The following DLC1 variants were observed in gnomAD, a reference collection of about 807,000 sequenced individuals.
The protein encoded by DLC1 is rho GTPase-activating protein 7.
In DLC1, 54 loss-of-function variants were observed where a neutral mutation model predicts 140.3. The observed-to-expected ratio is 0.38, with a 90% CI of 0.31 to 0.48. DLC1 has a LOEUF of 0.48. Among genes scored for constraint, DLC1 ranks in the 20% least tolerant of loss-of-function variants. DLC1 has a pLI of 0.96. For missense variants in DLC1, 2,536 were observed against 1,907.0 expected, an observed-to-expected ratio of 1.33 and a Z score of -6.14; for synonymous variants, 986 against 728.1, an observed-to-expected ratio of 1.35 and a Z score of -5.70.
intron 2 of DLC1, among the ~76,000 whole-genome samples, chr8:13,497,691 T>TCAGTG (rs1801576489): frequency 1.3e-5 from 2 of 152,332 alleles, no homozygotes; most frequent in South Asian, 4.1e-4. Context: ...ATAGGTCAGT[T>TCAGTG]AATACTGTCT....
chr8:13,449,749 A>G (rs1428278903), intron 2 of DLC1, among the ~76,000 whole-genome samples: 1 of 152,106 alleles, frequency 6.6e-6, no homozygotes, highest in African/African-American at 2.4e-5. Flanking sequence ...CAGCACACCA[A>G]CATGGCACAT....
At chr8:13,391,826 T>A (rs1382320102) in intron 4 of DLC1, among the ~76,000 whole-genome samples, 1 of 151,774 alleles carries the variant, frequency 6.6e-6, no homozygotes, top group Non-Finnish European at 1.5e-5. Context: ...TGCAGGATAC[T>A]AACAGGTGCT....
At chr8:13,297,470 A>G (rs1489265168) in intron 5 of DLC1, among the ~76,000 whole-genome samples, 1 of 151,954 alleles carries the variant, frequency 6.6e-6, no homozygotes, top group Non-Finnish European at 1.5e-5. Context: ...TGTTACAAGA[A>G]GAGCTTCCTT....
chr8:13,219,606 A>C (rs562362148), intron 5 of DLC1, among the ~76,000 whole-genome samples: 1 of 151,828 alleles, frequency 6.6e-6, no homozygotes, highest in East Asian at 1.9e-4. Context: ...CACCTTCTTC[A>C]AAAAAGCCTT....
intron 5 of DLC1, among the ~76,000 whole-genome samples, chr8:13,250,924 A>G (rs546054693): frequency 6.6e-6 from 1 of 152,258 alleles, no homozygotes; most frequent in South Asian, 2.1e-4. Context: ...ACTACATTTA[A>G]TACTAAAAGA....
intron 2 of DLC1, among the ~76,000 whole-genome samples, chr8:13,467,764 T>C (rs1010872540): frequency 6.6e-6 from 1 of 152,188 alleles, no homozygotes; most frequent in African/African-American, 2.4e-5. Flanking sequence ...TGTCAACTTT[T>C]TCCAAATACT....
intron 4 of DLC1, among the ~76,000 whole-genome samples, chr8:13,312,681 T>C (rs1483167748): frequency 6.6e-6 from 1 of 152,186 alleles, no homozygotes; most frequent in Non-Finnish European, 1.5e-5. Context: ...AAGTACTGCA[T>C]ATTAATATAT....
intron 5 of DLC1, among the ~76,000 whole-genome samples, chr8:13,273,259 T>C (rs2117390802): frequency 6.6e-6 from 1 of 152,116 alleles, no homozygotes; most frequent in South Asian, 2.1e-4. Context: ...CAGAGGAGCT[T>C]TAAGAAGGAA....
intron 4 of DLC1, among the ~76,000 whole-genome samples, chr8:13,362,195 T>C (rs138147303): frequency 6.6e-6 from 1 of 152,262 alleles, no homozygotes; most frequent in East Asian, 1.9e-4. Context: ...AGACAACATC[T>C]GCAGGGAAGA....
intron 1 of DLC1, among the ~76,000 whole-genome samples, chr8:13,585,447 G>A (rs1488825168): frequency 1.3e-5 from 2 of 152,058 alleles, no homozygotes; most frequent in Non-Finnish European, 2.9e-5. Context: ...ACAGATACAT[G>A]GCTATAGAAC....
chr8:13,085,742 C>T lies in DLC1; in HGVS notation c.*69G>A, dbSNP rs1817497243. 2 of 1,605,652 alleles carry T rather than the reference C, an allele frequency of 1.2e-6. No homozygotes were observed. Among genetic ancestry groups the T allele is most frequent in the African/African-American group, 1.3e-5 (1 of 74,612 alleles). ...TTCAGGATTAGACACAGAACCCATT[C>T]TTCAAGGACTGGCAAAAGTTCTAGA... On this transcript the variant is annotated 3_prime_UTR_variant, in exon 18 of 18. Coordinates refer to ENST00000276297, the MANE Select transcript of DLC1 (RefSeq NM_182643.3).
At chr8:13,400,027 A>G (rs1223456448) in intron 3 of DLC1, among the ~76,000 whole-genome samples, 1 of 152,176 alleles carries the variant, frequency 6.6e-6, no homozygotes, top group Non-Finnish European at 1.5e-5. Flanking sequence ...ATTCCACTAC[A>G]CAATTATCAG....
At chr8:13,567,467 C>T (rs760379681) in intron 1 of DLC1, 18 of 1,551,922 alleles carry the variant, frequency 1.2e-5, no homozygotes, top group Admixed American at 2.0e-5. Flanking sequence ...GTAGAGGCTT[C>T]AGAGAGAGAT....
chr8:13,327,316 A>G (rs948209741), intron 4 of DLC1, among the ~76,000 whole-genome samples: 1 of 152,028 alleles, frequency 6.6e-6, no homozygotes. Context: ...TCAAAGAGTG[A>G]TGCCCCAAAT....
intron 2 of DLC1, among the ~76,000 whole-genome samples, chr8:13,495,521 C>T (rs1458399540): frequency 6.6e-6 from 1 of 152,086 alleles, no homozygotes; most frequent in African/African-American, 2.4e-5. Flanking sequence ...ATATCAGTGG[C>T]TTCAATTTCA....
intron 1 of DLC1, among the ~76,000 whole-genome samples, chr8:13,540,750 G>A (rs1803455573): frequency 6.6e-6 from 1 of 152,186 alleles, no homozygotes; most frequent in Non-Finnish European, 1.5e-5. Flanking sequence ...GGTCACTGAA[G>A]CCTTCGACAT....
At chr8:13,522,042 C>T (rs1165680146) in intron 1 of DLC1, among the ~76,000 whole-genome samples, 4 of 152,086 alleles carry the variant, frequency 2.6e-5, no homozygotes, top group African/African-American at 9.7e-5. Flanking sequence ...TGTACTTTAA[C>T]AGAAATTGGA....
At chr8:13,348,247 T>C (rs965415840) in intron 4 of DLC1, among the ~76,000 whole-genome samples, 13 of 152,194 alleles carry the variant, frequency 8.5e-5, no homozygotes, top group East Asian at 3.9e-4. Context: ...GTGAGTAATA[T>C]GTGTGTGGTT....
At position 13,116,962 on chromosome 8, in the gene DLC1, A is replaced by G. The variant is rs778523994; in HGVS notation, c.1349-1305T>C. On this transcript the variant is annotated intron_variant, in intron 5 of 17. Transcript: ENST00000276297. ...ACCGAAATGGGAGCGAATGATAGTG[A>G]CATCAGTGTGGAAGAACTTCGATGT... 3.9e-5 allele frequency among the ~76,000 whole-genome samples: 6 copies of G among 152,242 alleles called. No homozygotes were observed. The South Asian group carries it at 1.2e-3, about 32-fold the overall frequency.
Sources: gnomAD v4.1 joint callset for allele counts (sites outside exome capture counted in the v4.1 genomes callset) on GRCh38, gnomAD v4.1.1 for gene constraint, MANE v1.5 for transcripts, NCBI Gene and HGNC (gene_info 2026-07-23, HGNC 2026-07-21) for gene names.